Variants in CBFA2T2 observed in about 807,000 individuals in gnomAD.
CBFA2T2 encodes the protein protein CBFA2T2.
CBFA2T2 carries 11 observed loss-of-function variants against 62.2 expected under a neutral mutation model. The observed-to-expected ratio is 0.18, with a 90% confidence interval of 0.11 to 0.29. The LOEUF (loss-of-function observed/expected upper bound fraction) is 0.29, where lower values mean the gene tolerates loss of function less well. Ranked by LOEUF, CBFA2T2 falls within the 10% of genes least tolerant of loss-of-function variation. The probability of loss-of-function intolerance (pLI) is 1.00; values close to 1 mark genes in which losing one functional copy is unlikely to be tolerated. For synonymous variants in CBFA2T2, 295 were observed against 287.5 expected, an observed-to-expected ratio of 1.03 and a Z score of -0.27; for missense variants, 592 against 774.1, an observed-to-expected ratio of 0.76 and a Z score of 2.79.
intron 10 of CBFA2T2, among the ~76,000 whole-genome samples, chr20:33,643,102 C>T (rs912636761): frequency 6.6e-6 from 1 of 152,138 alleles, no homozygotes; most frequent in Non-Finnish European, 1.5e-5. Context: ...GCAGGTATTC[C>T]TGGAGTTTCT....
In CBFA2T2 at chr20:33,571,814, A is replaced by G. The variant is rs553013097; in HGVS notation, c.35-35142A>G. On this transcript the variant is annotated intron_variant, in intron 1 of 10. Transcript: ENST00000342704. ...ACTTGAATGATAGTTAAATGTGGTT[A>G]GAGTGTAAAGGTTGACAGTTATTTT... Among the ~76,000 whole-genome samples the G allele has an allele frequency of 4.4e-4, 67 of 152,302 alleles. 1 individual carries two copies. Among genetic ancestry groups the G allele is most frequent in the Non-Finnish European group, 7.5e-4 (51 of 68,028 alleles).
At chr20:33,513,319 A>C (rs2011540834) in intron 1 of CBFA2T2, among the ~76,000 whole-genome samples, 1 of 151,060 alleles carries the variant, frequency 6.6e-6, no homozygotes, top group Admixed American at 6.6e-5. Flanking sequence ...TGAAGAAAAC[A>C]GTGCTGCTTT....
At chr20:33,561,490 C>T (rs1400113764) in intron 1 of CBFA2T2, among the ~76,000 whole-genome samples, 1 of 152,160 alleles carries the variant, frequency 6.6e-6, no homozygotes, top group African/African-American at 2.4e-5. Context: ...CCCAGTGGTA[C>T]CATTTTGTGT....
intron 8 of CBFA2T2, among the ~76,000 whole-genome samples, chr20:33,634,456 A>G (rs2016557379): frequency 6.6e-6 from 1 of 151,990 alleles, no homozygotes; most frequent in South Asian, 2.1e-4. Context: ...CAAATCGCTT[A>G]AACTCAGGAG....
intron 1 of CBFA2T2, among the ~76,000 whole-genome samples, chr20:33,522,930 A>G (rs1393417446): frequency 6.6e-6 from 1 of 152,250 alleles, no homozygotes; most frequent in Non-Finnish European, 1.5e-5. Flanking sequence ...TCCCTAAAAA[A>G]AGAAAATCCA....
intron 1 of CBFA2T2, among the ~76,000 whole-genome samples, chr20:33,563,314 A>G (rs1228082548): frequency 6.6e-6 from 1 of 152,172 alleles, no homozygotes; most frequent in Non-Finnish European, 1.5e-5. Context: ...GCATATAACT[A>G]CGTACTGTGT....
intron 1 of CBFA2T2, among the ~76,000 whole-genome samples, chr20:33,554,600 CTTTTTTTTTTTTTT>C (rs752877501): frequency 3.6e-5 from 2 of 56,288 alleles, no homozygotes; most frequent in Admixed American, 2.2e-4. Flanking sequence ...TTTTTCTTTT[CTTTTTTTTTTTTTT>C]TTTTTTTTTG....
chr20:33,639,421 A>C (rs1011969618), intron 9 of CBFA2T2: 1 of 152,164 alleles, frequency 6.6e-6, no homozygotes, highest in Admixed American at 6.6e-5. Flanking sequence ...AAAAATACAA[A>C]AAATTAGCCA....
rs192235320 is a variant in CBFA2T2 at position 33,553,947 on chromosome 20, C to G, written c.35-53009C>G. The stretch of plus-strand genomic sequence containing the variant: ...TCTCCAGTTTACTAGTAGGCATATG[C>G]TTTTGTTAACTTTACATTTGTATTT... On this transcript the variant is annotated intron_variant, in intron 1 of 10. Transcript: ENST00000342704. Among the ~76,000 whole-genome samples, 83 of 151,918 alleles carry G rather than the reference C, an allele frequency of 5.5e-4. 1 individual carries two copies. The highest frequency in any genetic ancestry group is 5.3e-4 in the Non-Finnish European group (36 of 67,944).
intron 1 of CBFA2T2, among the ~76,000 whole-genome samples, chr20:33,591,034 C>T (rs188135276): frequency 2.0e-5 from 3 of 148,860 alleles, no homozygotes; most frequent in East Asian, 2.0e-4. Context: ...AAAAATTTGC[C>T]GGGTGTGGTG....
chr20:33,579,100 T>C (rs6057867), intron 1 of CBFA2T2, among the ~76,000 whole-genome samples: 1 of 149,342 alleles, frequency 6.7e-6, no homozygotes, highest in African/African-American at 2.5e-5. Context: ...TTGGTTTTTT[T>C]GGGGGTTTTT....
At chr20:33,517,036 A>G (rs976963364) in intron 1 of CBFA2T2, among the ~76,000 whole-genome samples, 1 of 152,222 alleles carries the variant, frequency 6.6e-6, no homozygotes, top group African/African-American at 2.4e-5. Flanking sequence ...TCTGTAAATA[A>G]AAGCAGATAT....
At chr20:33,505,336 A>T (rs1600905920) in intron 1 of CBFA2T2, among the ~76,000 whole-genome samples, 1 of 152,338 alleles carries the variant, frequency 6.6e-6, no homozygotes, top group East Asian at 1.9e-4. Context: ...TCACCTGTCT[A>T]CCTGAAAAGG....
chr20:33,503,738 C>G (rs977454386), intron 1 of CBFA2T2, among the ~76,000 whole-genome samples: 2 of 151,980 alleles, frequency 1.3e-5, no homozygotes, highest in African/African-American at 4.8e-5. Flanking sequence ...CCCCGGCTGG[C>G]CTCGAACTCC....
chr20:33,564,586 C>CT (rs1027900156), intron 1 of CBFA2T2, among the ~76,000 whole-genome samples: 2 of 151,218 alleles, frequency 1.3e-5, no homozygotes, highest in Non-Finnish European at 2.9e-5. Context: ...TCTTTTCTTT[C>CT]TTTTTTTTGG....
At chr20:33,542,974 C>T (rs2012446278) in intron 1 of CBFA2T2, among the ~76,000 whole-genome samples, 1 of 148,722 alleles carries the variant, frequency 6.7e-6, no homozygotes. Flanking sequence ...CTATTTCTTA[C>T]TAATACTTAA....
At chr20:33,615,912 A>C (rs1445525222) in intron 3 of CBFA2T2, among the ~76,000 whole-genome samples, 2 of 152,162 alleles carry the variant, frequency 1.3e-5, no homozygotes, top group African/African-American at 4.8e-5. Context: ...AATATAGGTA[A>C]GTAAATAAAC....
intron 1 of CBFA2T2, among the ~76,000 whole-genome samples, chr20:33,505,202 C>G (rs979418435): frequency 7.9e-5 from 12 of 152,112 alleles, no homozygotes; most frequent in African/African-American, 2.4e-4. Flanking sequence ...TTCTGTCTCT[C>G]TTTTAAGTAG....
rs1601111839 is a variant in CBFA2T2, at chr20:33,636,588, C to T, written c.1229-52C>T. 4 of 1,323,790 alleles carry T rather than the reference C, an allele frequency of 3.0e-6. No homozygotes were observed. In the East Asian group the frequency reaches 9.3e-5, roughly 31 times the overall value. 82.0% of individuals were successfully genotyped at this position (1,323,790 alleles called of 1,614,324 possible). On this transcript the variant is annotated intron_variant, in intron 8 of 10. Transcript: ENST00000342704. ...ATGAGAAATCTGATCAAAAATAAAA[C>T]TGCTGATCATAGACAGCTTCTGACC...
Sources: allele counts gnomAD v4.1 joint callset (sites outside exome capture counted in the v4.1 genomes callset), GRCh38; gene constraint gnomAD v4.1.1; transcripts MANE v1.5; gene names NCBI Gene and HGNC (gene_info 2026-07-23, HGNC 2026-07-21).